EHMT1: variants seen among roughly 807,000 people sequenced by gnomAD.
The protein encoded by EHMT1 is histone-lysine N-methyltransferase EHMT1.
In EHMT1, 15 loss-of-function variants were observed where a neutral mutation model predicts 147.2. The ratio of observed to expected loss-of-function variants is 0.10; its 90% confidence interval spans 0.07 to 0.16. The LOEUF is 0.16. Ranked by LOEUF, EHMT1 falls within the 10% of genes least tolerant of loss-of-function variation. The probability of loss-of-function intolerance (pLI) is 1.00; values close to 1 mark genes in which losing one functional copy is unlikely to be tolerated. For synonymous variants in EHMT1, 795 were observed against 709.6 expected (o/e 1.12, Z -1.91); for missense variants, 1,587 against 1,772.4 (o/e 0.90, Z 1.88).
At chr9:137,796,136 C>T (rs1952924632) in intron 16 of EHMT1, among the ~76,000 whole-genome samples, 1 of 152,208 alleles carries the variant, frequency 6.6e-6, no homozygotes, top group East Asian at 1.9e-4. Flanking sequence ...GCCAGCCAGG[C>T]TGGAGAAGCG....
At chr9:137,800,549 T>C (rs113068963) in intron 17 of EHMT1, 194 of 381,572 alleles carry the variant, frequency 5.1e-4, no homozygotes, top group African/African-American at 3.6e-3. Context: ...GTGTGTGCCA[T>C]TAGACTCGTT....
Position 137,717,066 on chromosome 9 carries a change from C to T in EHMT1, c.526C>T (p.Pro176Ser), listed in dbSNP as rs34704821. Residue 176 changes from proline to serine, a missense_variant, in exon 3 of 27, where the codon CCA becomes TCA. Pro to Ser is a moderately conservative substitution (Grantham distance 74). Around this residue, in one of 7 missense-constraint regions of EHMT1, gnomAD observed 810 missense variants for 673.0 expected, o/e 1.20. Transcript: ENST00000460843. ...SAFPQTPAAP[P>S]ATLGEGSADT... Reference sequence around the variant, plus strand: ...TTTTCCCCAGACGCCAGCCGCCCCACCAGCCACCCTTGGGGAGGGGAGTGC... The same window carrying T: ...TTTTCCCCAGACGCCAGCCGCCCCATCAGCCACCCTTGGGGAGGGGAGTGC... 2,287 of 1,607,688 alleles carry T rather than the reference C, an allele frequency of 1.4e-3. 38 individuals are homozygous for T. In the African/African-American group the frequency reaches 0.027, roughly 19 times the overall value.
At chr9:137,780,482 C>T (rs865816394) in intron 14 of EHMT1, among the ~76,000 whole-genome samples, 339 of 54,908 alleles carry the variant, frequency 6.2e-3, no homozygotes, top group Non-Finnish European at 8.2e-3. Context: ...GACGCTGAGA[C>T]GTGTGGTGAT....
intron 18 of EHMT1, among the ~76,000 whole-genome samples, chr9:137,804,204 C>G (rs1198348036): frequency 6.6e-6 from 1 of 152,206 alleles, no homozygotes; most frequent in African/African-American, 2.4e-5. Flanking sequence ...GATTACAATT[C>G]AAGACAAGAT....
intron 16 of EHMT1, among the ~76,000 whole-genome samples, chr9:137,795,492 G>A (rs117705928): frequency 1.3e-5 from 2 of 150,842 alleles, no homozygotes; most frequent in East Asian, 3.9e-4. Flanking sequence ...CCAGGACAAC[G>A]TAGACACACC....
Position 137,817,429 on chromosome 9 carries a change from T to C in EHMT1, c.3375-10T>C, listed in dbSNP as rs1295003345. On this transcript the variant is annotated splice_polypyrimidine_tract_variant and intron_variant, in intron 23 of 26. Coordinates refer to ENST00000460843, the MANE Select transcript of EHMT1 (RefSeq NM_024757.5). The stretch of plus-strand genomic sequence containing the variant: ...GTGGCCTGGGTTCACCACTACTCTC[T>C]ATTTTTCAGGGCAAGGCTGCAGCTC... 1.9e-6 allele frequency: 3 copies of C among 1,613,950 alleles called. No individual in the cohort carries two copies. Among genetic ancestry groups the C allele is most frequent in the African/African-American group, 2.7e-5 (2 of 74,900 alleles).
At chr9:137,674,447 T>C (rs1941027306) in intron 1 of EHMT1, among the ~76,000 whole-genome samples, 1 of 152,216 alleles carries the variant, frequency 6.6e-6, no homozygotes, top group Admixed American at 6.5e-5. Context: ...TGACGGAGAA[T>C]CTCACTGTTG....
Position 137,743,756 on chromosome 9 carries a change from C to T in EHMT1, c.982-146C>T, listed in dbSNP as rs1948311336. On this transcript the variant is annotated intron_variant, in intron 5 of 26. Transcript: ENST00000460843. ...GCCCACCTGTCTGCCGGGCTCTTCT[C>T]CAGGTGGCAGGGGCACCTCTTCGTG... 6 of 1,162,206 alleles carry T rather than the reference C, an allele frequency of 5.2e-6. No homozygotes were observed. In the Admixed American group the frequency reaches 6.7e-5, roughly 13 times the overall value. The allele number at this position is 1,162,206 out of a possible 1,614,324, so 72.0% of individuals were successfully genotyped here.
intron 3 of EHMT1, among the ~76,000 whole-genome samples, chr9:137,719,535 C>T (rs567407444): frequency 7.9e-5 from 12 of 152,300 alleles, no homozygotes; most frequent in South Asian, 4.1e-4. Context: ...CTGACCCGAC[C>T]TCAACCTTTT....
Position 137,772,959 on chromosome 9 carries a change from C to T in EHMT1, c.1648-2150C>T, listed in dbSNP as rs905721987. 3.9e-5 allele frequency among the ~76,000 whole-genome samples: 6 copies of T among 152,188 alleles called. No individual in the cohort carries two copies. In the East Asian group the frequency reaches 1.2e-3, roughly 29 times the overall value. The stretch of plus-strand genomic sequence containing the variant: ...TCCTTACATTCTCCTGCCGTTCTGC[C>T]TGGACCCCCTACCCCGCAGCTCCCT... On this transcript the variant is annotated intron_variant, in intron 10 of 26. Coordinates refer to ENST00000460843, the MANE Select transcript of EHMT1 (RefSeq NM_024757.5).
chr9:137,771,850 G>T (rs1950607256), intron 10 of EHMT1, among the ~76,000 whole-genome samples: 1 of 152,184 alleles, frequency 6.6e-6, no homozygotes, highest in African/African-American at 2.4e-5. Context: ...AGTCACAGGG[G>T]ACCCCAACTT....
In EHMT1 at chr9:137,835,861, G is replaced by C. The variant is rs1485487500; in HGVS notation, c.*908G>C. 1.6e-4 allele frequency: 25 copies of C among 152,578 alleles called. No individual in the cohort carries two copies. The highest frequency in any genetic ancestry group is 1.6e-3 in the Admixed American group (25 of 15,286). 9.5% of individuals were successfully genotyped at this position (152,578 alleles called of 1,614,324 possible). ...AAACTTTTTTAAAGATGTTAGTCTT[G>C]TAGCGTGAATAAATTTGCCATCACC... On this transcript the variant is annotated 3_prime_UTR_variant, in exon 27 of 27. Coordinates refer to ENST00000460843, the MANE Select transcript of EHMT1 (RefSeq NM_024757.5).
intron 1 of EHMT1, among the ~76,000 whole-genome samples, chr9:137,623,716 C>T (rs11137154): frequency 0.023 from 3,527 of 152,252 alleles, 79 homozygotes; most frequent in Admixed American, 0.059. Context: ...CCTCCGCACC[C>T]GGCCGCAAAT....
At chr9:137,722,561 C>T (rs1946165719) in intron 3 of EHMT1, among the ~76,000 whole-genome samples, 1 of 152,304 alleles carries the variant, frequency 6.6e-6, no homozygotes, top group South Asian at 2.1e-4. Context: ...GTGTGGGCCC[C>T]ACGGAGGTGG....
Position 137,752,206 on chromosome 9 carries a change from C to A in EHMT1, c.1171-125C>A, listed in dbSNP as rs527530234. ...GCCGGCGGCGCCCCCGCCCCGCGAG[C>A]GTCTCCGGCGTGTGCGGCCAGTGCC... On this transcript the variant is annotated intron_variant, in intron 6 of 26. Coordinates refer to ENST00000460843, the MANE Select transcript of EHMT1 (RefSeq NM_024757.5). 1.1e-4 allele frequency: 125 copies of A among 1,179,684 alleles called. No homozygotes were observed. The African/African-American group carries it at 1.6e-3, about 15-fold the overall frequency. 73.1% of individuals were successfully genotyped at this position (1,179,684 alleles called of 1,614,324 possible). A position where few individuals can be genotyped will look rare whatever the true frequency, so the allele number is the denominator to read the frequency against.
chr9:137,823,702 C>T (rs562093839), intron 25 of EHMT1, among the ~76,000 whole-genome samples: 35 of 151,992 alleles, frequency 2.3e-4, no homozygotes, highest in East Asian at 5.8e-4. Context: ...TGAGCCACCA[C>T]GCCCGGCCCA....
chr9:137,718,180 G>A (rs551596703), intron 3 of EHMT1, among the ~76,000 whole-genome samples: 9 of 151,078 alleles, frequency 6.0e-5, no homozygotes, highest in South Asian at 2.1e-4. Context: ...CACACAGGGC[G>A]CGCCCGCCCC....
intron 6 of EHMT1, among the ~76,000 whole-genome samples, chr9:137,752,120 G>A (rs1949016806): frequency 6.6e-6 from 1 of 152,214 alleles, no homozygotes; most frequent in African/African-American, 2.4e-5. Flanking sequence ...CTCAGAGTGT[G>A]TCTCTGGCCC....
chr9:137,657,011 G>A (rs1454396553), intron 1 of EHMT1, among the ~76,000 whole-genome samples: 7 of 152,190 alleles, frequency 4.6e-5, no homozygotes, highest in Admixed American at 3.9e-4. Flanking sequence ...AAAGTGCTGG[G>A]ATTACAGGTG....
Sources: gnomAD v4.1 joint callset for allele counts (sites outside exome capture counted in the v4.1 genomes callset) on GRCh38, gnomAD v4.1.1 for gene constraint, gnomAD v4.1.1 regional missense constraint, MANE v1.5 for transcripts, NCBI Gene and HGNC (gene_info 2026-07-23, HGNC 2026-07-21) for gene names.